Variants in ITGB2 observed in about 807,000 individuals in gnomAD.
ITGB2 encodes integrin subunit beta 2.
ITGB2 carries 56 observed loss-of-function variants against 86.8 expected under a neutral mutation model. That is an observed-to-expected ratio of 0.65 (90% CI 0.52 to 0.81). The LOEUF (loss-of-function observed/expected upper bound fraction) is 0.81. ITGB2 is among the 30% of genes least tolerant of loss of function. The probability of loss-of-function intolerance (pLI) is 0.00; values close to 1 mark genes in which losing one functional copy is unlikely to be tolerated. For synonymous variants in ITGB2, 457 were observed against 450.4 expected, an observed-to-expected ratio of 1.01 and a Z score of -0.19; for missense variants, 948 against 1,061.2, an observed-to-expected ratio of 0.89 and a Z score of 1.48.
At chr21:44,908,491 T>C (rs893177208) in intron 3 of ITGB2, among the ~76,000 whole-genome samples, 2 of 152,140 alleles carry the variant, frequency 1.3e-5, no homozygotes, top group Non-Finnish European at 2.9e-5. Context: ...ATTGCAAAAC[T>C]TTCTGTTCTG....
In ITGB2 at chr21:44,895,000, C is replaced by T; in HGVS notation, c.1054G>A (p.Val352Met). 1 of 1,613,154 alleles carries T rather than the reference C, an allele frequency of 6.2e-7. No homozygotes were observed. The highest frequency in any genetic ancestry group is 1.3e-5 in the African/African-American group (1 of 74,960). Residue 352 changes from valine to methionine, a missense_variant, in exon 9 of 16, where the codon GTG becomes ATG. By Grantham distance (21) the Val-to-Met change is conservative. Coordinates refer to ENST00000652462, the MANE Select transcript of ITGB2 (RefSeq NM_000211.5). ...TAAGCATTCTTAATGAGATGGACCA[C>T]ATTGCTGGAGTCCTCAGACAGCTCC... is the stretch of plus-strand genomic sequence containing the variant. ...VGELSEDSSN[V>M]VHLIKNAYNK... is the part of the protein sequence containing the mutation.
chr21:44,920,462 G>A (rs920677851), intron 1 of ITGB2, among the ~76,000 whole-genome samples: 10 of 152,138 alleles, frequency 6.6e-5, no homozygotes, highest in Admixed American at 2.0e-4. Flanking sequence ...AGGAGGCCCC[G>A]GGAACCTGCC....
At chr21:44,924,035 G>A (rs55857889), upstream of ITGB2, among the ~76,000 whole-genome samples, 37,815 of 152,064 alleles carry the variant, frequency 0.25, 5,157 homozygotes, top group African/African-American at 0.36. Context: ...ATAATCCTTT[G>A]TGTGCCGAAC....
intron 3 of ITGB2, among the ~76,000 whole-genome samples, chr21:44,907,806 G>A (rs188838490): frequency 7.3e-4 from 111 of 152,322 alleles, no homozygotes; most frequent in African/African-American, 2.2e-3. Flanking sequence ...GGTGAGTCCC[G>A]CAGGCAGGGG....
chr21:44,927,750 A>G (rs765964537), intron 1 of ITGB2: 1 of 152,076 alleles, frequency 6.6e-6, no homozygotes, highest in Non-Finnish European at 1.5e-5. Context: ...AGGAGGTGAC[A>G]CACACTCCCT....
chr21:44,903,445 A>T lies in ITGB2; in HGVS notation c.419T>A (p.Leu140His), dbSNP rs747202720. Residue 140 changes from leucine to histidine, a missense_variant, in exon 5 of 16, where the codon CTT becomes CAT. By Grantham distance (99) the Leu-to-His change is moderately conservative. Coordinates refer to ENST00000652462, the MANE Select transcript of ITGB2 (RefSeq NM_000211.5). ...YYLMDLSYSM[L>H]DDLRNVKKLG... ...CTTCTTGACATTCCTGAGGTCATCA[A>T]GCATGGAGTAGGAGAGGTCCATCAG... The T allele has an allele frequency of 1.2e-6, 2 of 1,614,096 alleles. No individual in the cohort carries two copies. Among genetic ancestry groups the T allele is most frequent in the South Asian group, 2.2e-5 (2 of 91,088 alleles).
At chr21:44,913,915 T>A (rs921410314) in intron 1 of ITGB2, among the ~76,000 whole-genome samples, 17 of 152,194 alleles carry the variant, frequency 1.1e-4, no homozygotes, top group African/African-American at 3.9e-4. Flanking sequence ...AACAGGTGCC[T>A]GGCCACTGTC....
intron 1 of ITGB2, among the ~76,000 whole-genome samples, chr21:44,920,307 C>T (rs1337794255): frequency 6.6e-6 from 1 of 152,162 alleles, no homozygotes; most frequent in African/African-American, 2.4e-5. Flanking sequence ...CCACACTACA[C>T]ACACGACACT....
chr21:44,904,857 C>T (rs578024402), intron 4 of ITGB2, among the ~76,000 whole-genome samples: 3 of 152,066 alleles, frequency 2.0e-5, no homozygotes, highest in East Asian at 3.9e-4. Flanking sequence ...CACACACATG[C>T]GCTCACACAC....
At chr21:44,907,866 C>T (rs1218982463) in intron 3 of ITGB2, 5 of 589,516 alleles carry the variant, frequency 8.5e-6, no homozygotes, top group Non-Finnish European at 1.6e-5. Context: ...CTTTGTAGGG[C>T]TCTGACTTTT....
intron 1 of ITGB2, among the ~76,000 whole-genome samples, chr21:44,918,300 C>G (rs998391845): frequency 4.6e-5 from 7 of 152,220 alleles, no homozygotes; most frequent in African/African-American, 1.7e-4. Context: ...GCAAGGGGGG[C>G]CCACACAGGA....
At chr21:44,895,867 A>T (rs1280646128) in intron 8 of ITGB2, among the ~76,000 whole-genome samples, 4 of 137,338 alleles carry the variant, frequency 2.9e-5, no homozygotes, top group African/African-American at 1.3e-4. Context: ...AAATGAAATG[A>T]AATGAAATAA....
At chr21:44,916,188 T>C (rs1413431827) in intron 1 of ITGB2, among the ~76,000 whole-genome samples, 1 of 152,160 alleles carries the variant, frequency 6.6e-6, no homozygotes, top group Admixed American at 6.5e-5. Context: ...CCCAAAGTGC[T>C]GGGATTACAG....
intron 1 of ITGB2, among the ~76,000 whole-genome samples, chr21:44,919,697 T>TC (rs35429579): frequency 2.6e-5 from 4 of 151,328 alleles, no homozygotes; most frequent in African/African-American, 9.7e-5. Context: ...TCTCCGGCCA[T>TC]CCCCCCCCTT....
chr21:44,893,512 G>A lies in ITGB2; in HGVS notation c.1116C>T (p.Asn372=), dbSNP rs201278836. 121 of 1,614,114 alleles carry A rather than the reference G, an allele frequency of 7.5e-5. 1 individual carries two copies. The South Asian group carries it at 8.1e-4, about 11-fold the overall frequency. Residue 372 remains asparagine (N), a synonymous_variant, in exon 10 of 16, where the codon AAC becomes AAT. Transcript: ENST00000652462. ...KLSSRVFLDH[N]ALPDTLKVTY... is the part of the protein sequence containing the mutation. The stretch of plus-strand genomic sequence containing the variant: ...TGACTTTCAGGGTGTCGGGGAGGGC[G>A]TTGTGATCCAGGAAGACCCTGGAGG...
intron 10 of ITGB2, 172 bp downstream of exon 10, chr21:44,893,232 T>C (rs1173062565): frequency 7.1e-6 from 5 of 704,006 alleles, no homozygotes; most frequent in Non-Finnish European, 1.2e-5. Context: ...AGACAGCCTC[T>C]GATGCCTGTG....
At chr21:44,888,578 C>T in intron 14 of ITGB2, 115 bp downstream of exon 14, 3 of 1,230,762 alleles carry the variant, frequency 2.4e-6, no homozygotes, top group Non-Finnish European at 3.5e-6. Flanking sequence ...CTCATCCACC[C>T]TGCTGGGCCC....
chr21:44,889,979 C>T lies in ITGB2; in HGVS notation c.1656G>A (p.Pro552=), dbSNP rs759039359. The T allele has an allele frequency of 8.1e-6, 13 of 1,612,886 alleles. No individual in the cohort carries two copies. The highest frequency in any genetic ancestry group is 5.3e-5 in the African/African-American group (4 of 74,922). Residue 552 remains proline (P), a splice_region_variant and synonymous_variant, in exon 12 of 16, where the codon CCG becomes CCA. Coordinates refer to ENST00000652462, the MANE Select transcript of ITGB2 (RefSeq NM_000211.5). ...ERYNGQVCGG[P]GRGLCFCGKC... is the part of the protein sequence containing the mutation. ...TCCAGCAGGGACCCACGGGCTCACC[C>T]GGGCCGCCGCAGACCTGGCCGTTGT...
At chr21:44,911,823 AG>A (rs2084138561) in intron 1 of ITGB2, among the ~76,000 whole-genome samples, 1 of 152,172 alleles carries the variant, frequency 6.6e-6, no homozygotes, top group Non-Finnish European at 1.5e-5. Flanking sequence ...AGCGGGCAGC[AG>A]GGCCGTTCCA....
Sources: allele counts gnomAD v4.1 joint callset (sites outside exome capture counted in the v4.1 genomes callset), GRCh38; gene constraint gnomAD v4.1.1; transcripts MANE v1.5; gene names NCBI Gene and HGNC (gene_info 2026-07-23, HGNC 2026-07-21).